Variants in COL6A3 observed in about 807,000 individuals in gnomAD.
The protein encoded by COL6A3 is collagen alpha-3(VI) chain.
A neutral mutation model predicts 274.1 loss-of-function variants in COL6A3; 137 were observed. That is an observed-to-expected ratio of 0.50 (90% CI 0.44 to 0.58). The LOEUF (loss-of-function observed/expected upper bound fraction) is 0.58. COL6A3 is among the 20% of genes least tolerant of loss of function. The pLI, the probability that COL6A3 is intolerant of heterozygous loss-of-function variation, is 0.00. For synonymous variants in COL6A3, 1,650 were observed against 1,650.6 expected (o/e 1.00, Z 0.01); for missense variants, 3,950 against 4,124.9 (o/e 0.96, Z 1.16).
In COL6A3 at chr2:237,366,972, G is replaced by T. The variant is rs2077569879; in HGVS notation, c.5215C>A (p.Leu1739Met). The T allele has an allele frequency of 1.9e-6, 3 of 1,614,274 alleles. No homozygotes were observed. Among genetic ancestry groups the T allele is most frequent in the Non-Finnish European group, 1.7e-6 (2 of 1,180,052 alleles). Residue 1739 changes from leucine to methionine, a missense_variant, in exon 11 of 44, where the codon CTG becomes ATG. This residue lies in a region of COL6A3 where 632 missense variants were observed against 623.4 expected (regional missense o/e 1.01). Coordinates refer to ENST00000295550, the MANE Select transcript of COL6A3 (RefSeq NM_004369.4). ...GCAATCTGAGGGACCCGCTGGTCCA[G>T]GCGGCTGCCTGCCTCAGGCACAAAG... is the stretch of plus-strand genomic sequence containing the variant. ...NHFVPEAGSR[L>M]DQRVPQIAFV...
chr2:237,341,555 A>C (rs1426996904), intron 37 of COL6A3, among the ~76,000 whole-genome samples: 2 of 151,052 alleles, frequency 1.3e-5, no homozygotes, highest in Non-Finnish European at 3.0e-5. Context: ...AAAAAAAAAA[A>C]AAAAAAAAAA....
In COL6A3 at chr2:237,368,947, G is replaced by A; in HGVS notation, c.4516C>T (p.Leu1506=). The stretch of plus-strand genomic sequence containing the variant: ...AGTGGGGACCCCCCTCTGAGCCTCA[G>A]GCGCCGTATGGCGTCCAGCACCGGG... The part of the protein sequence containing the change: ...QAPVLDAIRR[L]RLRGGSPLNT... Residue 1506 remains leucine (L), a synonymous_variant, in exon 10 of 44, where the codon CTG becomes TTG. Transcript: ENST00000295550. This position sits in a 1 kb window ranked among gnomAD's most constrained non-coding sequence, Gnocchi z 4.4. The A allele has an allele frequency of 6.2e-7, 1 of 1,614,228 alleles. No individual in the cohort carries two copies. The highest frequency in any genetic ancestry group is 8.5e-7 in the Non-Finnish European group (1 of 1,180,046).
At chr2:237,341,231 G>A (rs2076981114) in intron 37 of COL6A3, 81 bp from the exon 38 acceptor site, 1 of 1,375,202 alleles carries the variant, frequency 7.3e-7, no homozygotes, top group African/African-American at 1.4e-5. Flanking sequence ...GGGAGACTTG[G>A]GCGATTAAAA....
chr2:237,341,395 T>C lies in COL6A3; in HGVS notation c.7766-245A>G, dbSNP rs544386976. On this transcript the variant is annotated intron_variant, in intron 37 of 43. Transcript: ENST00000295550. ...CCTGTCTCTACTAAAAATACAAAAA[T>C]TAGCTGGGCCTGATGGCGCATGCCT... 7.9e-5 allele frequency among the ~76,000 whole-genome samples: 12 copies of C among 151,994 alleles called. No homozygotes were observed. In the South Asian group the frequency reaches 2.5e-3, roughly 32 times the overall value.
chr2:237,356,166 G>A (rs1277139293), intron 23 of COL6A3, among the ~76,000 whole-genome samples: 1 of 152,162 alleles, frequency 6.6e-6, no homozygotes, highest in Non-Finnish European at 1.5e-5. Context: ...GAAATTAATT[G>A]TATGAACTAC....
At chr2:237,333,701 C>A (rs1700384328) in intron 41 of COL6A3, among the ~76,000 whole-genome samples, 153 bp from the exon 42 acceptor site, 1 of 152,170 alleles carries the variant, frequency 6.6e-6, no homozygotes. Context: ...CCTCTACATC[C>A]ACGACTTATG....
In COL6A3 at chr2:237,371,910, G is replaced by C. The variant is rs35114079; in HGVS notation, c.4107C>G (p.Ile1369Met). 1 of 1,613,894 alleles carries C rather than the reference G, an allele frequency of 6.2e-7. No individual in the cohort carries two copies. The highest frequency in any genetic ancestry group is 8.5e-7 in the Non-Finnish European group (1 of 1,180,004). ...GCTCCTCCTGGTCTGCGTTCCTGGC[G>C]ATCGTGAAAGGGGCCACGCCAAACT... Reference protein sequence around the residue: ...LKQFGVAPFTIARNADQEELV... With the variant: ...LKQFGVAPFTMARNADQEELV... The change falls in exon 9 of 44, where the codon ATC (isoleucine) becomes ATG (methionine). Residue 1369 changes from isoleucine to methionine, a missense_variant. Ile to Met is a conservative substitution (Grantham distance 10, BLOSUM62 1). Around this residue, in one of 5 missense-constraint regions of COL6A3, gnomAD observed 1,934 missense variants for 1,984.3 expected, o/e 0.97. Coordinates refer to ENST00000295550, the MANE Select transcript of COL6A3 (RefSeq NM_004369.4). The surrounding 1 kb of genome is among the most constrained non-coding windows in gnomAD (Gnocchi z 4.3).
At chr2:237,385,478 G>A (rs914123676) in intron 4 of COL6A3, among the ~76,000 whole-genome samples, 4 of 152,160 alleles carry the variant, frequency 2.6e-5, no homozygotes, top group Non-Finnish European at 5.9e-5. Flanking sequence ...CAACTCCTTT[G>A]TCATAAATTC....
chr2:237,367,233 T>A lies in COL6A3; in HGVS notation c.4954A>T (p.Arg1652Trp). The A allele has an allele frequency of 6.2e-7, 1 of 1,613,974 alleles. No individual in the cohort carries two copies. Among genetic ancestry groups the A allele is most frequent in the Non-Finnish European group, 8.5e-7 (1 of 1,179,870 alleles). Residue 1652 changes from arginine to tryptophan, a missense_variant, in exon 11 of 44, where the codon AGG becomes TGG. Arg to Trp is a moderately radical substitution (Grantham distance 101). Around this residue, in one of 5 missense-constraint regions of COL6A3, gnomAD observed 632 missense variants for 623.4 expected, o/e 1.01. Coordinates refer to ENST00000295550, the MANE Select transcript of COL6A3 (RefSeq NM_004369.4). ...FLLDGSINFR[R>W]DSFQEVLRFV... ...CGAAGCACTTCCTGGAAACTGTCCC[T>A]CCTGAAGTTGATGGAACCATCCAAC...
At chr2:237,337,199 C>T (rs1700594344) in intron 39 of COL6A3, among the ~76,000 whole-genome samples, 1 of 152,138 alleles carries the variant, frequency 6.6e-6, no homozygotes, top group Admixed American at 6.6e-5. Context: ...TATCTTGCTA[C>T]TTGTCCTAGG....
rs932289461 is a variant in COL6A3, at chr2:237,335,014, G to A, written c.8966-125C>T. 2.6e-5 allele frequency: 28 copies of A among 1,096,338 alleles called. No individual in the cohort carries two copies. The Admixed American group carries it at 4.0e-4, about 16-fold the overall frequency. 67.9% of individuals were successfully genotyped at this position (1,096,338 alleles called of 1,614,324 possible). On this transcript the variant is annotated intron_variant, in intron 40 of 43. Coordinates refer to ENST00000295550, the MANE Select transcript of COL6A3 (RefSeq NM_004369.4). The stretch of plus-strand genomic sequence containing the variant: ...AATTGACTTGAAATTTAGCTGAGGC[G>A]GGGAACTAATTTCTTGTTCAAGCCC...
rs774579188 is a variant in COL6A3 at position 237,359,188 on chromosome 2, T to G, written c.6354+18A>C. 2.0e-5 allele frequency: 33 copies of G among 1,614,096 alleles called. No individual in the cohort carries two copies. Among genetic ancestry groups the G allele is most frequent in the Admixed American group, 6.7e-5 (4 of 60,008 alleles). ...TTCAGAACCAAAAGCAGTTTGGACT[T>G]AGAGTAAAATCACTTACATCTTCAC... On this transcript the variant is annotated intron_variant, in intron 19 of 43. Transcript: ENST00000295550.
chr2:237,368,935 C>A lies in COL6A3; in HGVS notation c.4528G>T (p.Gly1510Trp), dbSNP rs1293450770. Residue 1510 changes from glycine (G) to tryptophan (W), a missense_variant, in exon 10 of 44, where the codon GGG (glycine) becomes TGG (tryptophan). Around this residue, in one of 5 missense-constraint regions of COL6A3, gnomAD observed 1,934 missense variants for 1,984.3 expected, o/e 0.97. Transcript: ENST00000295550. The surrounding 1 kb of genome is among the most constrained non-coding windows in gnomAD (Gnocchi z 4.4). ...TTGCCAGTGTTCAGTGGGGACCCCC[C>A]TCTGAGCCTCAGGCGCCGTATGGCG... is the stretch of plus-strand genomic sequence containing the variant. ...LDAIRRLRLR[G>W]GSPLNTGKAL... The A allele has an allele frequency of 6.2e-7, 1 of 1,614,126 alleles. No homozygotes were observed. Among genetic ancestry groups the A allele is most frequent in the African/African-American group, 1.3e-5 (1 of 74,952 alleles).
At position 237,336,478 on chromosome 2, in the gene COL6A3, C is replaced by T. The variant is rs766330730; in HGVS notation, c.8622G>A (p.Thr2874=). Residue 2874 remains threonine, a synonymous_variant, in exon 40 of 44, where the codon ACG becomes ACA. Coordinates refer to ENST00000295550, the MANE Select transcript of COL6A3 (RefSeq NM_004369.4). The part of the protein sequence containing the change: ...SSPTSNPVTT[T]KPVTTTKPVT... The stretch of plus-strand genomic sequence containing the variant: ...CCGGCTTCGTCGTAGTCACCGGCTT[C>T]GTTGTCGTCACTGGGTTGGATGTAG... 1.3e-5 allele frequency: 21 copies of T among 1,614,200 alleles called. No homozygotes were observed. Among genetic ancestry groups the T allele is most frequent in the South Asian group, 3.3e-5 (3 of 91,080 alleles).
In COL6A3 at chr2:237,378,980, T is replaced by C. The variant is rs748641277; in HGVS notation, c.2153A>G (p.Asn718Ser). Residue 718 changes from asparagine (N) to serine (S), a missense_variant, in exon 6 of 44, where the codon AAC becomes AGC. Physicochemically the swap from Asn to Ser is conservative, Grantham distance 46. Around this residue, in one of 5 missense-constraint regions of COL6A3, gnomAD observed 1,934 missense variants for 1,984.3 expected, o/e 0.97. Coordinates refer to ENST00000295550, the MANE Select transcript of COL6A3 (RefSeq NM_004369.4). The part of the protein sequence containing the change: ...QLQLQGGSGL[N>S]TGSALSYVYA... Reference sequence around the variant, plus strand: ...GACATAGCTTAGGGCTGAGCCTGTGTTCAGGCCCGAACCTCCCTGGAGCTG... The same window carrying C: ...GACATAGCTTAGGGCTGAGCCTGTGCTCAGGCCCGAACCTCCCTGGAGCTG... The C allele has an allele frequency of 5.6e-6, 9 of 1,614,194 alleles. No homozygotes were observed. In the Admixed American group the frequency reaches 1.3e-4, roughly 24 times the overall value.
intron 1 of COL6A3, 25 bp from the exon 2 acceptor site, chr2:237,396,872 GA>G: frequency 6.5e-7 from 1 of 1,534,568 alleles, no homozygotes; most frequent in Non-Finnish European, 9.0e-7. Flanking sequence ...AGGGCAAAGG[GA>G]ATGATCAGTT....
chr2:237,324,907 T>G, intron 43 of COL6A3, 93 bp from the exon 44 acceptor site: 19 of 1,276,956 alleles, frequency 1.5e-5, no homozygotes, highest in East Asian at 2.3e-5. Flanking sequence ...GCACTGTCAT[T>G]ATCATGACAC....
Position 237,368,859 on chromosome 2 carries a change from C to A in COL6A3, c.4604G>T (p.Arg1535Leu). 1 of 1,614,216 alleles carries A rather than the reference C, an allele frequency of 6.2e-7. No individual in the cohort carries two copies. Among genetic ancestry groups the A allele is most frequent in the South Asian group, 1.1e-5 (1 of 91,080 alleles). The stretch of plus-strand genomic sequence containing the variant: ...GTGTTGGGGCACCCCGTCTTCTATG[C>A]GACTCCCCGCAGACTTAACAAAGAG... The part of the protein sequence containing the change: ...RNLFVKSAGS[R>L]IEDGVPQHLV... The change falls in exon 10 of 44, where the codon CGC becomes CTC. Residue 1535 changes from arginine to leucine, a missense_variant. By Grantham distance (102) the Arg-to-Leu change is moderately radical. This residue lies in a region of COL6A3 where 1,934 missense variants were observed against 1,984.3 expected (regional missense o/e 0.97). Transcript: ENST00000295550. The surrounding 1 kb of genome is among the most constrained non-coding windows in gnomAD (Gnocchi z 4.4).
In COL6A3 at chr2:237,381,003, G is replaced by C; in HGVS notation, c.1809C>G (p.Phe603Leu). The C allele has an allele frequency of 6.2e-7, 1 of 1,614,188 alleles. No individual in the cohort carries two copies. The highest frequency in any genetic ancestry group is 8.5e-7 in the Non-Finnish European group (1 of 1,180,040). The change falls in exon 5 of 44, where the codon TTC becomes TTG. Residue 603 changes from phenylalanine (F) to leucine (L), a missense_variant. Transcript: ENST00000295550. ...EEIAFDSSLV[F>L]IPAEFRAAPL... Reference sequence around the variant, plus strand: ...GGGCGGCTCGGAACTCAGCTGGGATGAACACCAGGGAGGAGTCGAAAGCGA... The same window carrying C: ...GGGCGGCTCGGAACTCAGCTGGGATCAACACCAGGGAGGAGTCGAAAGCGA...
Sources: allele counts gnomAD v4.1 joint callset (sites outside exome capture counted in the v4.1 genomes callset), GRCh38; gene constraint gnomAD v4.1.1; regional missense constraint gnomAD v4.1.1; non-coding constraint Gnocchi (gnomAD v3.1); transcripts MANE v1.5; gene names NCBI Gene and HGNC (gene_info 2026-07-23, HGNC 2026-07-21).